The following NIN variants were observed in gnomAD, a reference collection of about 807,000 sequenced individuals.
The protein encoded by NIN is ninein, also known as glycogen synthase kinase 3 beta-interacting protein.
Under a neutral mutation model 257.6 loss-of-function variants are expected in NIN, and 137 were observed. That is an observed-to-expected ratio of 0.53 (90% CI 0.46 to 0.61). The LOEUF (loss-of-function observed/expected upper bound fraction) is 0.61, where lower values mean the gene tolerates loss of function less well. Among genes scored for constraint, NIN ranks in the 20% least tolerant of loss-of-function variants. The pLI, the probability that NIN is intolerant of heterozygous loss-of-function variation, is 0.00. For synonymous variants in NIN, 918 were observed against 919.8 expected (o/e 1.00, Z 0.04); for missense variants, 2,439 against 2,501.2 (o/e 0.98, Z 0.53).
At chr14:50,747,342 C>T (rs2041591997) in intron 22 of NIN, among the ~76,000 whole-genome samples, 1 of 152,174 alleles carries the variant, frequency 6.6e-6, no homozygotes, top group Non-Finnish European at 1.5e-5. Flanking sequence ...AGATAGTCCC[C>T]CTCCTTTTAG....
Position 50,726,030 on chromosome 14 carries a change from G to A in NIN, c.6115C>T (p.Arg2039Ter), listed in dbSNP as rs373844676. ...QEQLVTVMEE[R>*]MIEVEQKLKL... ...AGTTTCTGTTCAACTTCTATCATTC[G>A]TTCCTCCATGACAGTTACCAGTTGT... is the stretch of plus-strand genomic sequence containing the variant. Residue 2039 changes from arginine to a stop codon, truncating the protein, a stop_gained, in exon 30 of 31, where the codon CGA becomes TGA. Transcript: ENST00000530997. LOFTEE classifies it high-confidence loss of function. The A allele has an allele frequency of 1.7e-5, 28 of 1,613,874 alleles. No individual in the cohort carries two copies. Among genetic ancestry groups the A allele is most frequent in the Non-Finnish European group, 2.1e-5 (25 of 1,179,856 alleles).
rs1322138624 is a variant in NIN at position 50,756,774 on chromosome 14, T to C, written c.4256A>G (p.His1419Arg). The C allele has an allele frequency of 3.2e-6, 5 of 1,551,660 alleles. No homozygotes were observed. The South Asian group carries it at 5.9e-5, about 18-fold the overall frequency. ...ATTCTGTACTCTTGGCCTTTCTTGA[T>C]GTGTCTGAATTGTTCCATGTAACCA... ...IAWLHGTIQT[H>R]QERPRVQNQV... The change falls in exon 18 of 31, where the codon CAT becomes CGT. Residue 1419 changes from histidine to arginine, a missense_variant. By Grantham distance (29) the His-to-Arg change is conservative. Transcript: ENST00000530997.
intron 15 of NIN, among the ~76,000 whole-genome samples, chr14:50,762,327 A>G (rs1404834134): frequency 6.6e-6 from 1 of 152,176 alleles, no homozygotes; most frequent in Non-Finnish European, 1.5e-5. Flanking sequence ...ATGTGGCAGG[A>G]AAATGAACGG....
chr14:50,770,421 GT>G lies in NIN; in HGVS notation c.1400del (p.Asn467ThrfsTer11). 6.2e-7 allele frequency: 1 copy of G among 1,614,224 alleles called. No individual in the cohort carries two copies. Among genetic ancestry groups the G allele is most frequent in the Non-Finnish European group, 8.5e-7 (1 of 1,180,040 alleles). On this transcript the variant is annotated frameshift_variant, in exon 12 of 31. Coordinates refer to ENST00000530997, the MANE Select transcript of NIN (RefSeq NM_020921.4). LOFTEE classifies it high-confidence loss of function. ...QEIEKAKTEE[N>X]YIRDRLALSL... ...AGAGGGCAAGGCGGTCCCGGATATA[GT>G]TCTCTTCTGTTTTTGCCTTTTCAAT... is the stretch of plus-strand genomic sequence containing the variant.
chr14:50,755,638 T>C (rs1489841777), intron 18 of NIN, among the ~76,000 whole-genome samples: 1 of 147,044 alleles, frequency 6.8e-6, no homozygotes, highest in Non-Finnish European at 1.5e-5. Flanking sequence ...TTCCACTGTT[T>C]GTTTTGTCTC....
chr14:50,739,032 T>C (rs1039941569), intron 26 of NIN, among the ~76,000 whole-genome samples: 4 of 152,176 alleles, frequency 2.6e-5, no homozygotes, highest in African/African-American at 4.8e-5. Context: ...TTGAAGACTA[T>C]ATGGTTCACA....
At chr14:50,828,203 T>C (rs1246435825) in intron 2 of NIN, among the ~76,000 whole-genome samples, 1 of 152,190 alleles carries the variant, frequency 6.6e-6, no homozygotes, top group Non-Finnish European at 1.5e-5. Context: ...TATGGTACCC[T>C]GAGGTGTAAG....
At chr14:50,727,616 TGGTGTGTGTGCATG>T in intron 29 of NIN, 1 of 1,439,658 alleles carries the variant, frequency 6.9e-7, no homozygotes, top group Non-Finnish European at 9.4e-7. Context: ...TCTCTGTGTG[TGGTGTGTGTGCATG>T]GGTGGGTGTG....
chr14:50,727,231 CAT>C, intron 29 of NIN: 1 of 938,814 alleles, frequency 1.1e-6, no homozygotes, highest in Non-Finnish European at 1.3e-6. Flanking sequence ...CAAAGGCAGT[CAT>C]ATACTTAAAA....
At chr14:50,800,258 C>G (rs527412256) in intron 4 of NIN, among the ~76,000 whole-genome samples, 1 of 152,062 alleles carries the variant, frequency 6.6e-6, no homozygotes, top group African/African-American at 2.4e-5. Flanking sequence ...TATGAATACA[C>G]TGTCTAATTT....
chr14:50,806,947 G>A, intron 3 of NIN, 129 bp from the exon 4 acceptor site: 1 of 477,564 alleles, frequency 2.1e-6, no homozygotes, highest in Non-Finnish European at 3.7e-6. Flanking sequence ...CCAATTTGTT[G>A]CCCTTTTCAT....
intron 28 of NIN, among the ~76,000 whole-genome samples, chr14:50,733,011 T>C (rs912215056): frequency 6.6e-6 from 1 of 152,138 alleles, no homozygotes; most frequent in East Asian, 1.9e-4. Flanking sequence ...AAGGCTGCAG[T>C]GAGCTGTGAT....
Position 50,723,657 on chromosome 14 carries a change from T to G in NIN, c.6208A>C (p.Lys2070Gln). ...AAGTCCTTCACCATTGCGTCTGCCT[T>G]AGTGTTCTTGCAGAGCTAGAAACAG... ...QLKEQLCKNT[K>Q]ADAMVKDLYV... The change falls in exon 31 of 31, where the codon AAG (lysine) becomes CAG (glutamine). Residue 2070 changes from lysine (K) to glutamine (Q), a missense_variant. Lys to Gln is a moderately conservative substitution (Grantham distance 53). Transcript: ENST00000530997. The G allele has an allele frequency of 6.2e-7, 1 of 1,613,840 alleles. No homozygotes were observed. The highest frequency in any genetic ancestry group is 1.1e-5 in the South Asian group (1 of 91,070).
chr14:50,800,804 C>A (rs752312501), intron 4 of NIN, among the ~76,000 whole-genome samples: 3 of 146,290 alleles, frequency 2.1e-5, no homozygotes, highest in South Asian at 4.3e-4. Context: ...TTTTTTGAGA[C>A]GGAGTTTCGC....
chr14:50,778,872 T>C, intron 5 of NIN, 68 bp from the exon 6 acceptor site: 1 of 1,511,814 alleles, frequency 6.6e-7, no homozygotes, highest in Admixed American at 1.7e-5. Flanking sequence ...TAGCTTTTCC[T>C]AGAGCAGATC....
intron 5 of NIN, among the ~76,000 whole-genome samples, chr14:50,780,119 T>C (rs941724189): frequency 2.0e-5 from 3 of 152,222 alleles, no homozygotes; most frequent in African/African-American, 4.8e-5. Flanking sequence ...TTTTGACCAG[T>C]TGCAACAAGT....
rs746196888 is a variant in NIN, at chr14:50,758,433, G to T, written c.2597C>A (p.Thr866Asn). 6.2e-7 allele frequency: 1 copy of T among 1,614,194 alleles called. No homozygotes were observed. Among genetic ancestry groups the T allele is most frequent in the South Asian group, 1.1e-5 (1 of 91,084 alleles). ...CTCCTGGGCTTCCGCACACTCCTGG[G>T]TGAGCTCGTCCTTCTCAAATTCCCA... ...SQWEFEKDELTQECAEAQELL... is the reference protein window; with the variant it reads ...SQWEFEKDELNQECAEAQELL... Residue 866 changes from threonine to asparagine, a missense_variant, in exon 18 of 31, where the codon ACC becomes AAC. Thr to Asn is a moderately conservative substitution (Grantham distance 65, BLOSUM62 0). Transcript: ENST00000530997.
intron 5 of NIN, among the ~76,000 whole-genome samples, chr14:50,780,652 T>C (rs1039910626): frequency 3.3e-5 from 5 of 152,146 alleles, no homozygotes; most frequent in East Asian, 1.9e-4. Context: ...ATATTTAAGA[T>C]AGTATCAATT....
Position 50,748,118 on chromosome 14 carries a change from T to C in NIN, c.4951-13A>G, listed in dbSNP as rs376658237. The C allele has an allele frequency of 4.3e-5, 67 of 1,566,404 alleles. No homozygotes were observed. Among genetic ancestry groups the C allele is most frequent in the Non-Finnish European group, 5.6e-5 (64 of 1,138,008 alleles). ...CTAAAGTGGAGGACTAAGAGAAAAA[T>C]GAAAAAGTCAAATAACAGACATACA... is the stretch of plus-strand genomic sequence containing the variant. On this transcript the variant is annotated splice_polypyrimidine_tract_variant and intron_variant, in intron 21 of 30. Coordinates refer to ENST00000530997, the MANE Select transcript of NIN (RefSeq NM_020921.4).
Sources: allele counts gnomAD v4.1 joint callset (sites outside exome capture counted in the v4.1 genomes callset), GRCh38; gene constraint gnomAD v4.1.1; transcripts MANE v1.5; gene names NCBI Gene and HGNC (gene_info 2026-07-23, HGNC 2026-07-21).